Variants in GTF2F2 observed in about 807,000 individuals in gnomAD.
GTF2F2 encodes general transcription factor IIF subunit 2.
In GTF2F2, 23 loss-of-function variants were observed where a neutral mutation model predicts 42.2. The observed-to-expected ratio is 0.55, with a 90% CI of 0.39 to 0.77. The LOEUF (loss-of-function observed/expected upper bound fraction) is 0.77, where lower values mean the gene tolerates loss of function less well. GTF2F2 is among the 30% of genes least tolerant of loss of function. GTF2F2 has a pLI of 0.00. For synonymous variants in GTF2F2, 105 were observed against 100.8 expected (o/e 1.04, Z -0.25); for missense variants, 261 against 287.2 (o/e 0.91, Z 0.66).
chr13:45,128,626 C>T (rs1329377815), intron 1 of GTF2F2, among the ~76,000 whole-genome samples: 1 of 151,910 alleles, frequency 6.6e-6, no homozygotes. Flanking sequence ...GAGTCTCGCT[C>T]TGTCACCCAG....
At chr13:45,252,036 T>C (rs1455780797) in intron 5 of GTF2F2, among the ~76,000 whole-genome samples, 1 of 152,236 alleles carries the variant, frequency 6.6e-6, no homozygotes, top group African/African-American at 2.4e-5. Context: ...ATACTTAATA[T>C]AAAACAAAAT....
intron 4 of GTF2F2, among the ~76,000 whole-genome samples, chr13:45,172,965 A>G (rs1266349070): frequency 6.6e-6 from 1 of 152,120 alleles, no homozygotes; most frequent in African/African-American, 2.4e-5. Flanking sequence ...ATGAATTTTA[A>G]GATCAGTTCC....
intron 4 of GTF2F2, among the ~76,000 whole-genome samples, chr13:45,168,794 TC>T (rs1871429521): frequency 6.8e-6 from 1 of 146,186 alleles, no homozygotes; most frequent in African/African-American, 2.5e-5. Flanking sequence ...CTTCCTTCCT[TC>T]CTTCCTTCCT....
At chr13:45,164,279 A>G (rs1482186815) in intron 4 of GTF2F2, among the ~76,000 whole-genome samples, 2 of 148,608 alleles carry the variant, frequency 1.3e-5, no homozygotes, top group Non-Finnish European at 3.0e-5. Flanking sequence ...GACAGTCTCA[A>G]AAAAAAAAAA....
At chr13:45,194,626 C>T in intron 4 of GTF2F2, 2 of 1,428,536 alleles carry the variant, frequency 1.4e-6, no homozygotes, top group Non-Finnish European at 1.9e-6. Flanking sequence ...TAAAAAGAGA[C>T]ACTACCACAC....
chr13:45,124,813 C>T (rs1593441026), intron 1 of GTF2F2, among the ~76,000 whole-genome samples: 1 of 152,084 alleles, frequency 6.6e-6, no homozygotes, highest in African/African-American at 2.4e-5. Context: ...ATCTGCCTGC[C>T]TTGGCCTCCC....
At chr13:45,194,361 G>T (rs1489274276) in intron 4 of GTF2F2, 1 of 1,614,156 alleles carries the variant, frequency 6.2e-7, no homozygotes. Context: ...CATCAAACGG[G>T]CAGAGGATTT....
chr13:45,126,186 T>C (rs1361967255), intron 1 of GTF2F2, among the ~76,000 whole-genome samples: 1 of 151,456 alleles, frequency 6.6e-6, no homozygotes, highest in Non-Finnish European at 1.5e-5. Flanking sequence ...GTTGGGGAAC[T>C]AGATATTTGA....
intron 5 of GTF2F2, among the ~76,000 whole-genome samples, chr13:45,248,436 TTTTTTG>T (rs1875738850): frequency 6.6e-6 from 1 of 151,938 alleles, no homozygotes; most frequent in African/African-American, 2.4e-5. Context: ...TGTTTTTTGT[TTTTTTG>T]TTTTTGTTTT....
At chr13:45,249,924 C>T (rs950146013) in intron 5 of GTF2F2, among the ~76,000 whole-genome samples, 3 of 152,040 alleles carry the variant, frequency 2.0e-5, no homozygotes, top group South Asian at 2.1e-4. Context: ...TTAGCTGTCC[C>T]GACACTTTGT....
intron 1 of GTF2F2, among the ~76,000 whole-genome samples, chr13:45,125,152 G>C (rs559273020): frequency 6.6e-6 from 1 of 152,316 alleles, no homozygotes; most frequent in East Asian, 1.9e-4. Flanking sequence ...AAGCAAACCG[G>C]TAAAGTAGGT....
intron 2 of GTF2F2, among the ~76,000 whole-genome samples, chr13:45,144,413 T>C (rs998199161): frequency 2.0e-5 from 3 of 151,800 alleles, no homozygotes; most frequent in African/African-American, 7.3e-5. Flanking sequence ...ATAATATGGC[T>C]TCTCCCCGAG....
At chr13:45,127,931 C>T (rs1480853170) in intron 1 of GTF2F2, among the ~76,000 whole-genome samples, 3 of 130,254 alleles carry the variant, frequency 2.3e-5, no homozygotes, top group Admixed American at 7.6e-5. Context: ...GTGCCTGGCA[C>T]CCCGGCCTTT....
chr13:45,139,181 G>A (rs1211570668), intron 2 of GTF2F2, among the ~76,000 whole-genome samples: 3 of 152,188 alleles, frequency 2.0e-5, no homozygotes, highest in Non-Finnish European at 4.4e-5. Flanking sequence ...CTAGTGAAAT[G>A]TAGGATGTAC....
At chr13:45,200,469 GCTAA>G (rs1370400995) in intron 4 of GTF2F2, among the ~76,000 whole-genome samples, 1 of 152,020 alleles carries the variant, frequency 6.6e-6, no homozygotes, top group African/African-American at 2.4e-5. Flanking sequence ...ACCATACCTG[GCTAA>G]CTTTTTTATC....
At chr13:45,258,362 CAAA>C (rs563202331) in intron 6 of GTF2F2, among the ~76,000 whole-genome samples, 3 of 135,154 alleles carry the variant, frequency 2.2e-5, no homozygotes. Context: ...TCCTGCAATA[CAAA>C]AAAAAAAAAA....
chr13:45,258,738 C>G (rs1277949915), intron 6 of GTF2F2, among the ~76,000 whole-genome samples: 1 of 152,166 alleles, frequency 6.6e-6, no homozygotes, highest in Non-Finnish European at 1.5e-5. Context: ...TCTTTCATCC[C>G]TTTAAAATTT....
chr13:45,207,302 A>C, intron 4 of GTF2F2, 122 bp from the exon 5 acceptor site: 1 of 634,844 alleles, frequency 1.6e-6, no homozygotes, highest in Non-Finnish European at 2.7e-6. Flanking sequence ...AAACTTAACT[A>C]TTTTTTCTTG....
chr13:45,275,256 A>T (rs1876982162), intron 7 of GTF2F2, among the ~76,000 whole-genome samples: 1 of 152,154 alleles, frequency 6.6e-6, no homozygotes. Flanking sequence ...ACCTTCTGCA[A>T]ATACCAAAAT....
Sources: allele counts gnomAD v4.1 joint callset (sites outside exome capture counted in the v4.1 genomes callset), GRCh38; gene constraint gnomAD v4.1.1; transcripts MANE v1.5; gene names NCBI Gene and HGNC (gene_info 2026-07-23, HGNC 2026-07-21).